Variants in SLC24A2 observed in about 807,000 individuals in gnomAD.
The protein encoded by SLC24A2 is sodium/potassium/calcium exchanger 2.
A neutral mutation model predicts 62.0 loss-of-function variants in SLC24A2; 36 were observed. The ratio of observed to expected loss-of-function variants is 0.58; its 90% confidence interval spans 0.44 to 0.77. The LOEUF (loss-of-function observed/expected upper bound fraction) is 0.77, where lower values mean the gene tolerates loss of function less well. Ranked by LOEUF, SLC24A2 falls within the 30% of genes least tolerant of loss-of-function variation. The probability of loss-of-function intolerance (pLI) is 0.00; values close to 1 mark genes in which losing one functional copy is unlikely to be tolerated. For missense variants in SLC24A2, 846 were observed against 817.9 expected, an observed-to-expected ratio of 1.03 and a Z score of -0.42; for synonymous variants, 358 against 294.0, an observed-to-expected ratio of 1.22 and a Z score of -2.23.
intron 2 of SLC24A2, among the ~76,000 whole-genome samples, chr9:19,668,351 G>C (rs549011220): frequency 1.3e-5 from 2 of 152,286 alleles, no homozygotes; most frequent in South Asian, 4.1e-4. Context: ...CCCCAGAGCT[G>C]GGTGAAATTG....
At chr9:19,718,284 CTT>C (rs71335446) in intron 2 of SLC24A2, among the ~76,000 whole-genome samples, 714 of 55,676 alleles carry the variant, frequency 0.013, 12 homozygotes, top group African/African-American at 0.057. Context: ...TGATTTAACA[CTT>C]TTTTTTTTTT....
chr9:19,792,664 C>T (rs1362556658), upstream of SLC24A2, among the ~76,000 whole-genome samples: 5 of 151,108 alleles, frequency 3.3e-5, no homozygotes, highest in African/African-American at 9.7e-5. Flanking sequence ...GCCGAGACGG[C>T]GCCATTGTAC....
upstream of SLC24A2, among the ~76,000 whole-genome samples, chr9:19,793,997 G>T (rs2118968442): frequency 6.6e-6 from 1 of 152,192 alleles, no homozygotes; most frequent in East Asian, 1.9e-4. Flanking sequence ...TTTGCATTTG[G>T]CTCATTTTTT....
chr9:19,962,985 G>C, the SLC24A2 span, among the ~76,000 whole-genome samples: 1 of 152,120 alleles, frequency 6.6e-6, no homozygotes, highest in Non-Finnish European at 1.5e-5. Context: ...GTATGATATT[G>C]GCTGTGGGTT....
intron 7 of SLC24A2, among the ~76,000 whole-genome samples, chr9:19,562,465 ATTCT>A (rs1205112857): frequency 3.9e-5 from 6 of 152,176 alleles, no homozygotes; most frequent in Admixed American, 3.3e-4. Context: ...CGAATATATA[ATTCT>A]TTGTCAATAT....
At chr9:20,273,041 C>A in the SLC24A2 span, among the ~76,000 whole-genome samples, 1 of 152,288 alleles carries the variant, frequency 6.6e-6, no homozygotes, top group African/African-American at 2.4e-5. Flanking sequence ...GAGGATCTAC[C>A]GTCAGTGACT....
chr9:19,508,830 T>G lies in SLC24A2; in HGVS notation c.*7323A>C, dbSNP rs1018219501. ...ATTATATAAAAATTTGTGATGAAGTTGAAACATTAAAGTTTTTAGTTGTGG... is the reference window on the plus strand; with the variant it reads ...ATTATATAAAAATTTGTGATGAAGTGGAAACATTAAAGTTTTTAGTTGTGG... On this transcript the variant is annotated 3_prime_UTR_variant, in exon 11 of 11. Coordinates refer to ENST00000341998, the MANE Select transcript of SLC24A2 (RefSeq NM_020344.4). The G allele has an allele frequency of 3.3e-5, 5 of 152,104 alleles. No homozygotes were observed. The highest frequency in any genetic ancestry group is 1.2e-4 in the African/African-American group (5 of 41,418). The allele number at this position is 152,104 out of a possible 1,614,324, so 9.4% of individuals were successfully genotyped here.
the SLC24A2 span, chr9:19,958,047 G>A: frequency 2.0e-5 from 3 of 152,444 alleles, no homozygotes; most frequent in African/African-American, 4.8e-5. Flanking sequence ...TGGTAGGGGG[G>A]ACACACAGTC....
chr9:19,728,251 G>A (rs751101385), intron 2 of SLC24A2, among the ~76,000 whole-genome samples: 7 of 151,504 alleles, frequency 4.6e-5, no homozygotes, highest in African/African-American at 1.7e-4. Flanking sequence ...AAGGCAGATG[G>A]TCTCACTTGA....
At chr9:20,070,354 G>C in the SLC24A2 span, among the ~76,000 whole-genome samples, 22 of 152,146 alleles carry the variant, frequency 1.4e-4, no homozygotes, top group Non-Finnish European at 2.8e-4. Context: ...CAAGGTAGTG[G>C]CTGGCAATTG....
chr9:19,807,988 C>T, the SLC24A2 span, among the ~76,000 whole-genome samples: 1 of 152,192 alleles, frequency 6.6e-6, no homozygotes, highest in South Asian at 2.1e-4. Context: ...TCAGAGAAGA[C>T]TTATAGAGCA....
At chr9:19,725,675 AT>A (rs1422074353) in intron 2 of SLC24A2, among the ~76,000 whole-genome samples, 1 of 152,196 alleles carries the variant, frequency 6.6e-6, no homozygotes, top group Non-Finnish European at 1.5e-5. Context: ...AGATTGCAGC[AT>A]TAAAAATACA....
the SLC24A2 span, among the ~76,000 whole-genome samples, chr9:19,866,144 A>G: frequency 6.6e-5 from 10 of 152,226 alleles, no homozygotes; most frequent in Non-Finnish European, 1.5e-4. Context: ...CAAAACTACA[A>G]TGAGATGTCA....
At chr9:19,577,910 A>T (rs891111257) in intron 5 of SLC24A2, among the ~76,000 whole-genome samples, 2 of 151,078 alleles carry the variant, frequency 1.3e-5, no homozygotes, top group Non-Finnish European at 2.9e-5. Context: ...TGCAGCCATA[A>T]AAAGGAATGA....
the SLC24A2 span, among the ~76,000 whole-genome samples, chr9:20,009,095 T>C: frequency 6.6e-6 from 1 of 152,168 alleles, no homozygotes; most frequent in Non-Finnish European, 1.5e-5. Context: ...CAAAGAATTC[T>C]GGACTCATGG....
chr9:19,661,207 T>TC (rs1351326333), intron 2 of SLC24A2, among the ~76,000 whole-genome samples: 16 of 152,082 alleles, frequency 1.1e-4, no homozygotes, highest in Admixed American at 1.0e-3. Flanking sequence ...CTTTTTTTTT[T>TC]TTGTGATTCT....
intron 8 of SLC24A2, among the ~76,000 whole-genome samples, chr9:19,547,597 A>G (rs956079582): frequency 6.6e-5 from 10 of 151,932 alleles, no homozygotes; most frequent in Admixed American, 1.3e-4. Context: ...GTTCCTCCCA[A>G]TTCTGAGAGT....
At chr9:19,532,256 G>A (rs536632717) in intron 8 of SLC24A2, among the ~76,000 whole-genome samples, 31 of 152,058 alleles carry the variant, frequency 2.0e-4, no homozygotes, top group African/African-American at 4.1e-4. Flanking sequence ...CACCATGCCC[G>A]GCTAATTTTT....
intron 8 of SLC24A2, among the ~76,000 whole-genome samples, chr9:19,528,861 C>G (rs1353192778): frequency 6.6e-6 from 1 of 152,112 alleles, no homozygotes; most frequent in East Asian, 1.9e-4. Context: ...TTCACCACCC[C>G]AAAATATATT....
Sources: allele counts gnomAD v4.1 joint callset (sites outside exome capture counted in the v4.1 genomes callset), GRCh38; gene constraint gnomAD v4.1.1; transcripts MANE v1.5; gene names NCBI Gene and HGNC (gene_info 2026-07-23, HGNC 2026-07-21).